ANKRD17: variants seen among roughly 807,000 people sequenced by gnomAD.
The protein encoded by ANKRD17 is ankyrin repeat domain-containing protein 17.
Under a neutral mutation model 229.7 loss-of-function variants are expected in ANKRD17, and 19 were observed. The ratio of observed to expected loss-of-function variants is 0.08; its 90% CI spans 0.06 to 0.12. The LOEUF is 0.12. Among genes scored for constraint, ANKRD17 ranks in the 10% least tolerant of loss-of-function variants. The pLI, the probability that ANKRD17 is intolerant of heterozygous loss-of-function variation, is 1.00. For synonymous variants in ANKRD17, 1,112 were observed against 1,146.1 expected (o/e 0.97, Z 0.60); for missense variants, 2,176 against 3,176.8 (o/e 0.68, Z 7.57).
chr4:73,253,029 C>T (rs1745165453), intron 1 of ANKRD17, among the ~76,000 whole-genome samples: 1 of 152,070 alleles, frequency 6.6e-6, no homozygotes, highest in South Asian at 2.1e-4. Flanking sequence ...CATAACAGAG[C>T]ATGTGAATGA....
chr4:73,121,519 A>G (rs1726719255), intron 19 of ANKRD17, 98 bp downstream of exon 19: 1 of 1,397,854 alleles, frequency 7.2e-7, no homozygotes, highest in Admixed American at 1.8e-5. Flanking sequence ...TTTGTAATAA[A>G]GGGATTTACT....
intron 1 of ANKRD17, among the ~76,000 whole-genome samples, chr4:73,245,017 T>C (rs1196554075): frequency 6.6e-6 from 1 of 152,024 alleles, no homozygotes; most frequent in Non-Finnish European, 1.5e-5. Context: ...GAGACAGACA[T>C]GAAAACAGTG....
intron 24 of ANKRD17, chr4:73,112,994 G>T: frequency 1.4e-6 from 1 of 722,536 alleles, no homozygotes; most frequent in East Asian, 9.6e-5. Context: ...TGCCATGTTG[G>T]CCAGGCTGGT....
chr4:73,081,789 C>A (rs1292724758), intron 30 of ANKRD17, among the ~76,000 whole-genome samples: 5 of 152,146 alleles, frequency 3.3e-5, no homozygotes, highest in Admixed American at 3.3e-4. Flanking sequence ...AACTTCACCA[C>A]AGTTTAGAAA....
intron 15 of ANKRD17, among the ~76,000 whole-genome samples, chr4:73,139,029 T>C (rs531326651): frequency 6.7e-6 from 1 of 148,188 alleles, no homozygotes; most frequent in Non-Finnish European, 1.5e-5. Flanking sequence ...TTTTGAACTT[T>C]ATTAATTTTG....
At chr4:73,196,534 A>T (rs966928256) in intron 1 of ANKRD17, among the ~76,000 whole-genome samples, 2 of 152,176 alleles carry the variant, frequency 1.3e-5, no homozygotes, top group African/African-American at 4.8e-5. Flanking sequence ...ATATACATAT[A>T]TACGTTTATA....
chr4:73,170,114 C>G (rs1357284822), intron 2 of ANKRD17, among the ~76,000 whole-genome samples: 1 of 152,002 alleles, frequency 6.6e-6, no homozygotes, highest in Non-Finnish European at 1.5e-5. Flanking sequence ...TAAGGGAGTG[C>G]TTGAGTCACC....
At chr4:73,120,629 C>T (rs1726603016) in intron 20 of ANKRD17, among the ~76,000 whole-genome samples, 1 of 151,450 alleles carries the variant, frequency 6.6e-6, no homozygotes, top group South Asian at 2.1e-4. Flanking sequence ...ATGTTCCATT[C>T]CCTTCCTTTT....
At chr4:73,208,203 A>AC (rs1009552673) in intron 1 of ANKRD17, among the ~76,000 whole-genome samples, 1 of 151,678 alleles carries the variant, frequency 6.6e-6, no homozygotes, top group East Asian at 1.9e-4. Flanking sequence ...AAAAAAAAAA[A>AC]AAAAAAAAAC....
At chr4:73,123,224 A>G (rs113589107) in intron 18 of ANKRD17, among the ~76,000 whole-genome samples, 47 of 152,220 alleles carry the variant, frequency 3.1e-4, no homozygotes, top group African/African-American at 1.1e-3. Context: ...TATATAAAGC[A>G]AGTATTTTTT....
At chr4:73,171,670 A>C (rs540431983) in intron 2 of ANKRD17, among the ~76,000 whole-genome samples, 1 of 152,178 alleles carries the variant, frequency 6.6e-6, no homozygotes, top group Admixed American at 6.5e-5. Context: ...TAAAGATAAC[A>C]CAGAGAAGGA....
chr4:73,113,093 C>A, intron 24 of ANKRD17: 1 of 1,184,392 alleles, frequency 8.4e-7, no homozygotes, highest in African/African-American at 1.6e-5. Flanking sequence ...CAGCCACTGA[C>A]CTTTTTATAA....
chr4:73,250,557 G>GC (rs1379335813), intron 1 of ANKRD17, among the ~76,000 whole-genome samples: 1 of 108,194 alleles, frequency 9.2e-6, no homozygotes, highest in Admixed American at 1.4e-4. Flanking sequence ...CCGAGAGCAC[G>GC]CCACTGCACT....
intron 2 of ANKRD17, chr4:73,168,889 A>G (rs1733596094): frequency 6.6e-6 from 1 of 152,168 alleles, no homozygotes; most frequent in South Asian, 2.1e-4. Context: ...TCACCGAGGT[A>G]ATGAGCATAG....
chr4:73,222,832 A>G (rs1742036425), intron 1 of ANKRD17: 2 of 674,680 alleles, frequency 3.0e-6, no homozygotes, highest in African/African-American at 3.6e-5. Flanking sequence ...TCTCACACGG[A>G]ATAGGTCTGA....
chr4:73,171,187 G>GAGAGAGAC (rs1733968681), intron 2 of ANKRD17, among the ~76,000 whole-genome samples: 1 of 141,118 alleles, frequency 7.1e-6, no homozygotes, highest in Non-Finnish European at 1.6e-5. Flanking sequence ...GGGAGAGAGA[G>GAGAGAGAC]AGAGAGAGAG....
At position 73,243,914 on chromosome 4, in the gene ANKRD17, A is replaced by C. The variant is rs143398740; in HGVS notation, c.393+14362T>G. Among the ~76,000 whole-genome samples, 433 of 152,336 alleles carry C rather than the reference A, an allele frequency of 2.8e-3. 1 individual carries two copies. The highest frequency in any genetic ancestry group is 4.6e-3 in the Non-Finnish European group (310 of 68,032). On this transcript the variant is annotated intron_variant, in intron 1 of 33. Transcript: ENST00000358602. ...CCAGTATTAGTTTACTAGCGCTACCATAACAAAATACCATAGACTGGGTAG... is the reference window on the plus strand; with the variant it reads ...CCAGTATTAGTTTACTAGCGCTACCCTAACAAAATACCATAGACTGGGTAG...
intron 28 of ANKRD17, 152 bp downstream of exon 28, chr4:73,093,927 T>C: frequency 1.4e-6 from 1 of 736,986 alleles, no homozygotes; most frequent in Non-Finnish European, 2.1e-6. Flanking sequence ...AAAAGAAAAC[T>C]ATAAAATTTA....
intron 1 of ANKRD17, among the ~76,000 whole-genome samples, chr4:73,193,125 T>G (rs924909511): frequency 1.3e-5 from 2 of 152,224 alleles, no homozygotes; most frequent in Admixed American, 1.3e-4. Flanking sequence ...ATCATGACTT[T>G]TCTGTTACTT....
Sources: allele counts gnomAD v4.1 joint callset (sites outside exome capture counted in the v4.1 genomes callset), GRCh38; gene constraint gnomAD v4.1.1; transcripts MANE v1.5; gene names NCBI Gene and HGNC (gene_info 2026-07-23, HGNC 2026-07-21).